Variants in TRRAP observed in about 807,000 individuals in gnomAD.
TRRAP encodes the protein transformation/transcription domain-associated protein.
In TRRAP, 41 loss-of-function variants were observed where a neutral mutation model predicts 438.8. The ratio of observed to expected loss-of-function variants is 0.09; its 90% CI spans 0.07 to 0.12. The LOEUF (loss-of-function observed/expected upper bound fraction) is 0.12, where lower values mean the gene tolerates loss of function less well. Among genes scored for constraint, TRRAP ranks in the 10% least tolerant of loss-of-function variants. The probability of loss-of-function intolerance (pLI) is 1.00; values close to 1 mark genes in which losing one functional copy is unlikely to be tolerated. For missense variants in TRRAP, 3,122 were observed against 5,055.1 expected (o/e 0.62, Z 11.60); for synonymous variants, 1,994 against 1,962.9 (o/e 1.02, Z -0.42).
chr7:98,913,309 G>T, intron 18 of TRRAP, among the ~76,000 whole-genome samples: 1 of 148,002 alleles, frequency 6.8e-6, no homozygotes, highest in South Asian at 2.2e-4. Flanking sequence ...GTTTTTTTGG[G>T]TTTTTTTTTT....
intron 47 of TRRAP, 116 bp from the exon 48 acceptor site, chr7:98,964,513 A>G (rs1193051528): frequency 2.7e-5 from 33 of 1,244,090 alleles, no homozygotes; most frequent in Non-Finnish European, 3.4e-5. Flanking sequence ...CAGTGTTGAC[A>G]CTGGGATTAA....
chr7:98,902,063 C>A (rs1355068485), intron 11 of TRRAP, among the ~76,000 whole-genome samples: 22 of 151,836 alleles, frequency 1.4e-4, no homozygotes, highest in African/African-American at 4.8e-4. Context: ...ACGGATTTGC[C>A]TGTTTCATTT....
At chr7:98,983,683 T>C (rs536453056) in intron 60 of TRRAP, among the ~76,000 whole-genome samples, 31 of 152,272 alleles carry the variant, frequency 2.0e-4, no homozygotes, top group Non-Finnish European at 4.1e-4. Flanking sequence ...CTGTTACATT[T>C]TTCTAGTTGG....
Position 98,948,383 on chromosome 7 carries a change from C to T in TRRAP, c.4668+43C>T, listed in dbSNP as rs1460713851. On this transcript the variant is annotated intron_variant, in intron 34 of 72. Coordinates refer to ENST00000456197, the MANE Select transcript of TRRAP (RefSeq NM_001375524.1). The surrounding 1 kb of genome is among the most constrained non-coding windows in gnomAD (Gnocchi z 4.9). ...GGCTGCTTCTCGCTCTGCCACCCTC[C>T]GGTGCTTATAGCGTCCTCACTTGAT... 2.1e-5 allele frequency: 34 copies of T among 1,613,408 alleles called. No individual in the cohort carries two copies. Among genetic ancestry groups the T allele is most frequent in the Admixed American group, 3.3e-5 (2 of 59,998 alleles).
At chr7:98,904,148 G>C (rs1796604618) in intron 12 of TRRAP, among the ~76,000 whole-genome samples, 1 of 152,070 alleles carries the variant, frequency 6.6e-6, no homozygotes, top group Non-Finnish European at 1.5e-5. Flanking sequence ...AATTTTGGAG[G>C]TGTGTTGGGG....
intron 11 of TRRAP, among the ~76,000 whole-genome samples, chr7:98,901,266 G>C (rs188077228): frequency 4.6e-5 from 7 of 152,200 alleles, no homozygotes; most frequent in Non-Finnish European, 1.0e-4. Flanking sequence ...TCACAATGGC[G>C]AACAGAGAGG....
At chr7:98,972,049 C>A (rs1792439404) in intron 53 of TRRAP, 104 bp downstream of exon 53, 1 of 1,433,354 alleles carries the variant, frequency 7.0e-7, no homozygotes, top group South Asian at 1.5e-5. Flanking sequence ...TGTTTCTTTT[C>A]TTTTTCTTTT....
At chr7:98,900,002 G>A (rs17638888) in intron 10 of TRRAP, among the ~76,000 whole-genome samples, 5,413 of 152,262 alleles carry the variant, frequency 0.036, 124 homozygotes, top group Middle Eastern at 0.082. Context: ...TAAAAATGTC[G>A]TCAGGCATTA....
chr7:98,949,049 A>T (rs1791209057), intron 35 of TRRAP, among the ~76,000 whole-genome samples: 1 of 152,200 alleles, frequency 6.6e-6, no homozygotes, highest in Non-Finnish European at 1.5e-5. Flanking sequence ...CATGGGCAAC[A>T]GAGTGAGACC....
intron 61 of TRRAP, among the ~76,000 whole-genome samples, 164 bp from the exon 62 acceptor site, chr7:98,984,780 C>T (rs1230203940): frequency 6.6e-6 from 1 of 152,130 alleles, no homozygotes; most frequent in East Asian, 1.9e-4. Flanking sequence ...AGTTTAAATT[C>T]TGAACGTCAA....
chr7:98,946,947 G>A (rs1215687143), intron 33 of TRRAP, among the ~76,000 whole-genome samples: 1 of 152,212 alleles, frequency 6.6e-6, no homozygotes, highest in Non-Finnish European at 1.5e-5. Context: ...GAGAATTGTA[G>A]GGGGCATGGA....
At chr7:98,952,062 G>A (rs1791362873) in intron 39 of TRRAP, among the ~76,000 whole-genome samples, 1 of 152,126 alleles carries the variant, frequency 6.6e-6, no homozygotes, top group African/African-American at 2.4e-5. Flanking sequence ...GAGGACCTTG[G>A]GGCTAAAAGG....
intron 64 of TRRAP, among the ~76,000 whole-genome samples, chr7:98,991,661 G>GT (rs1248573239): frequency 3.9e-5 from 6 of 152,208 alleles, no homozygotes; most frequent in African/African-American, 7.2e-5. Context: ...TCAAATGGGA[G>GT]TTTCTTAACT....
chr7:98,949,291 G>T, intron 35 of TRRAP, 126 bp from the exon 36 acceptor site: 1 of 1,167,314 alleles, frequency 8.6e-7, no homozygotes, highest in Non-Finnish European at 1.1e-6. Flanking sequence ...GTGCTTTTTT[G>T]GTAAGCCTTC....
At chr7:98,979,652 G>A (rs957757216) in intron 58 of TRRAP, among the ~76,000 whole-genome samples, 1 of 152,072 alleles carries the variant, frequency 6.6e-6, no homozygotes, top group Non-Finnish European at 1.5e-5. Context: ...TCACCTTAAC[G>A]TTCCCTTCTT....
intron 21 of TRRAP, among the ~76,000 whole-genome samples, chr7:98,924,550 G>T (rs1309631474): frequency 6.6e-6 from 1 of 151,334 alleles, no homozygotes; most frequent in African/African-American, 2.4e-5. Flanking sequence ...TTAGCCGGGT[G>T]TGGTGGCTGG....
Position 98,984,355 on chromosome 7 carries a change from G to A in TRRAP, c.9285G>A (p.Met3095Ile). Residue 3095 changes from methionine to isoleucine, a missense_variant, in exon 61 of 73, where the codon ATG (methionine) becomes ATA (isoleucine). Met to Ile is a conservative substitution (Grantham distance 10, BLOSUM62 1). This residue lies in a region of TRRAP where 129 missense variants were observed against 279.2 expected (regional missense o/e 0.46). Transcript: ENST00000456197. ...LAGVMGKNEC[M>I]QGLEVIESTN... ...GCGTCATGGGCAAAAACGAGTGCAT[G>A]CAGGTGCGGACAGGACACTTGAAGA... 5 of 1,578,596 alleles carry A rather than the reference G, an allele frequency of 3.2e-6. No homozygotes were observed. Among genetic ancestry groups the A allele is most frequent in the Non-Finnish European group, 4.3e-6 (5 of 1,160,968 alleles).
chr7:98,980,358 C>T (rs1281755436), intron 58 of TRRAP, among the ~76,000 whole-genome samples: 1 of 151,218 alleles, frequency 6.6e-6, no homozygotes, highest in East Asian at 1.9e-4. Context: ...AACTTCCCAT[C>T]ATAGAGATGT....
In TRRAP at chr7:99,012,488, C is replaced by T; in HGVS notation, c.*133C>T. The T allele has an allele frequency of 8.8e-7, 1 of 1,137,992 alleles. No homozygotes were observed. Among genetic ancestry groups the T allele is most frequent in the Non-Finnish European group, 1.2e-6 (1 of 824,944 alleles). The allele number at this position is 1,137,992 out of a possible 1,614,324, so 70.5% of individuals were successfully genotyped here. On this transcript the variant is annotated 3_prime_UTR_variant, in exon 73 of 73. Coordinates refer to ENST00000456197, the MANE Select transcript of TRRAP (RefSeq NM_001375524.1). The surrounding 1 kb of genome is among the most constrained non-coding windows in gnomAD (Gnocchi z 5.9). ...GTTTCACTGGGTTGCGGTTATTTTC[C>T]TGGTAGTTTGCGTGTAAGAAAGGGA...
Sources: allele counts gnomAD v4.1 joint callset (sites outside exome capture counted in the v4.1 genomes callset), GRCh38; gene constraint gnomAD v4.1.1; regional missense constraint gnomAD v4.1.1; non-coding constraint Gnocchi (gnomAD v3.1); transcripts MANE v1.5; gene names NCBI Gene and HGNC (gene_info 2026-07-23, HGNC 2026-07-21).